MTHFD1L: variants seen among roughly 807,000 people sequenced by gnomAD.
MTHFD1L encodes methylenetetrahydrofolate dehydrogenase (NADP+ dependent) 1 like, also known as monofunctional C1-tetrahydrofolate synthase, mitochondrial.
A neutral mutation model predicts 119.5 loss-of-function variants in MTHFD1L; 81 were observed. That is an observed-to-expected ratio of 0.68 (90% confidence interval 0.57 to 0.82). MTHFD1L has a LOEUF of 0.82. Ranked by LOEUF, MTHFD1L falls within the 40% of genes least tolerant of loss-of-function variation. MTHFD1L has a pLI of 0.00. For missense variants in MTHFD1L, 1,125 were observed against 1,253.4 expected, an observed-to-expected ratio of 0.90 and a Z score of 1.55; for synonymous variants, 430 against 475.2, an observed-to-expected ratio of 0.90 and a Z score of 1.24.
chr6:150,866,450 G>C lies in MTHFD1L; in HGVS notation c.227+401G>C, dbSNP rs1562274910. The stretch of plus-strand genomic sequence containing the variant: ...GGGGGCGAGGAGCAGGAGGAGGGCG[G>C]GGCTGCGGCTCGGCGCGCCGGCTGG... On this transcript the variant is annotated intron_variant, in intron 1 of 27. Transcript: ENST00000367321. The C allele has an allele frequency of 4.5e-6, 6 of 1,324,838 alleles. No homozygotes were observed. In the East Asian group the frequency reaches 9.4e-5, roughly 21 times the overall value. The allele number at this position is 1,324,838 out of a possible 1,614,324, so 82.1% of individuals were successfully genotyped here. A position where few individuals can be genotyped will look rare whatever the true frequency, so the allele number is the denominator to read the frequency against.
At chr6:150,872,782 G>T (rs74691011) in intron 1 of MTHFD1L, among the ~76,000 whole-genome samples, 22,371 of 151,210 alleles carry the variant, frequency 0.15, 2,177 homozygotes, top group African/African-American at 0.25. Flanking sequence ...CACAAAAAAT[G>T]ATGTATGCCT....
At chr6:150,877,934 GACTGAAT>G in intron 4 of MTHFD1L, 108 bp downstream of exon 4, 1 of 1,333,754 alleles carries the variant, frequency 7.5e-7, no homozygotes, top group South Asian at 1.2e-5. Flanking sequence ...ATTTGCTTGT[GACTGAAT>G]GTTAGAGGGA....
At chr6:151,057,173 C>A (rs1790074408) in intron 26 of MTHFD1L, 2 of 984,858 alleles carry the variant, frequency 2.0e-6, no homozygotes, top group Non-Finnish European at 2.4e-6. Context: ...AATCTTGACT[C>A]TGCTCCATTA....
At chr6:150,883,592 A>T (rs1784102014) in intron 5 of MTHFD1L, among the ~76,000 whole-genome samples, 1 of 152,160 alleles carries the variant, frequency 6.6e-6, no homozygotes, top group South Asian at 2.1e-4. Flanking sequence ...CAGTTGAGAA[A>T]AGCAAAATAA....
chr6:150,889,129 A>G (rs1288682683), intron 7 of MTHFD1L, among the ~76,000 whole-genome samples: 1 of 151,796 alleles, frequency 6.6e-6, no homozygotes, highest in Admixed American at 6.6e-5. Context: ...GTGAGCCGCG[A>G]TCGTGCCACT....
In MTHFD1L at chr6:150,994,077, A is replaced by AGG. The variant is rs1554273889; in HGVS notation, c.2126-15742_2126-15741insGG. Among the ~76,000 whole-genome samples, 45 of 105,284 alleles carry AGG rather than the reference A, an allele frequency of 4.3e-4. 1 individual carries two copies. Among genetic ancestry groups the AGG allele is most frequent in the African/African-American group, 1.6e-3 (42 of 27,046 alleles). 69.1% of individuals were successfully genotyped at this position (105,284 alleles called of 152,430 possible). A position where few individuals can be genotyped will look rare whatever the true frequency, so the allele number is the denominator to read the frequency against. ...TAACAACAACAGTAAAAAAAAAAAAAAAAGAAAGAAAGAAAGAAAGTGACC... is the reference window on the plus strand; with the variant it reads ...TAACAACAACAGTAAAAAAAAAAAAAGGAAAGAAAGAAAGAAAGAAAGTGACC... On this transcript the variant is annotated intron_variant, in intron 20 of 27. Coordinates refer to ENST00000367321, the MANE Select transcript of MTHFD1L (RefSeq NM_015440.5).
chr6:150,934,263 C>G (rs1791670169), intron 11 of MTHFD1L, among the ~76,000 whole-genome samples: 1 of 152,206 alleles, frequency 6.6e-6, no homozygotes, highest in African/African-American at 2.4e-5. Context: ...AGCACCTCTC[C>G]TATTAACTGC....
At chr6:150,898,826 A>AGAT (rs534271927) in intron 7 of MTHFD1L, 4 of 345,220 alleles carry the variant, frequency 1.2e-5, no homozygotes, top group South Asian at 6.9e-5. Context: ...AGTATAGGGA[A>AGAT]GATTATTATT....
At chr6:151,074,142 T>C (rs1392407721) in intron 26 of MTHFD1L, among the ~76,000 whole-genome samples, 1 of 152,186 alleles carries the variant, frequency 6.6e-6, no homozygotes, top group African/African-American at 2.4e-5. Context: ...TTAAAATATC[T>C]TTCCAAAACA....
intron 8 of MTHFD1L, chr6:150,912,778 G>A (rs189228240): frequency 4.0e-4 from 176 of 443,298 alleles, no homozygotes; most frequent in African/African-American, 3.1e-3. Context: ...GAAAAGACCC[G>A]TCCACGGTTT....
intron 26 of MTHFD1L, among the ~76,000 whole-genome samples, chr6:151,087,575 A>G (rs188107299): frequency 5.3e-5 from 8 of 152,354 alleles, no homozygotes; most frequent in African/African-American, 1.7e-4. Context: ...CAGAAACACA[A>G]CAAAACTAAG....
At chr6:150,964,428 C>G (rs1738575) in intron 18 of MTHFD1L, among the ~76,000 whole-genome samples, 71,786 of 151,968 alleles carry the variant, frequency 0.47, 17,895 homozygotes, top group South Asian at 0.59. Context: ...AAGCCTTTCA[C>G]ATCTAAACTA....
At chr6:150,868,628 T>C (rs11962903) in intron 1 of MTHFD1L, among the ~76,000 whole-genome samples, 22,406 of 151,856 alleles carry the variant, frequency 0.15, 1,861 homozygotes, top group African/African-American at 0.23. Flanking sequence ...TGAGCTACCA[T>C]GCCCAGCAAT....
chr6:151,090,573 T>TCGAGTCA (rs1491035144), intron 26 of MTHFD1L, among the ~76,000 whole-genome samples: 1 of 136,602 alleles, frequency 7.3e-6, no homozygotes, highest in East Asian at 1.9e-4. Context: ...GAGGGAAACC[T>TCGAGTCA]CGAGTCACGA....
At chr6:150,996,986 C>G (rs508604) in intron 20 of MTHFD1L, among the ~76,000 whole-genome samples, 2 of 152,082 alleles carry the variant, frequency 1.3e-5, no homozygotes, top group Admixed American at 6.6e-5. Flanking sequence ...GAACACTGAC[C>G]GAATCCCAGA....
chr6:150,930,070 A>T (rs1790766743), intron 11 of MTHFD1L, among the ~76,000 whole-genome samples: 1 of 152,198 alleles, frequency 6.6e-6, no homozygotes, highest in Non-Finnish European at 1.5e-5. Context: ...TAATAGCTGA[A>T]TATTGATATC....
chr6:151,069,251 T>TTCTTTCTC (rs1554297593), intron 26 of MTHFD1L, among the ~76,000 whole-genome samples: 12 of 136,682 alleles, frequency 8.8e-5, no homozygotes, highest in African/African-American at 2.8e-4. Context: ...TTCTCTCTCT[T>TTCTTTCTC]TCTCTCTCTC....
chr6:151,059,613 C>T (rs1364172113), intron 26 of MTHFD1L, among the ~76,000 whole-genome samples: 2 of 152,162 alleles, frequency 1.3e-5, no homozygotes, highest in African/African-American at 4.8e-5. Flanking sequence ...CTGCTCTTAC[C>T]ATTTTGTTAA....
intron 24 of MTHFD1L, among the ~76,000 whole-genome samples, chr6:151,023,606 GC>G (rs1394698575): frequency 6.6e-6 from 1 of 152,048 alleles, no homozygotes; most frequent in African/African-American, 2.4e-5. Context: ...GCTTGCCCCA[GC>G]TTTCTTTCCT....
Sources: gnomAD v4.1 joint callset for allele counts (sites outside exome capture counted in the v4.1 genomes callset) on GRCh38, gnomAD v4.1.1 for gene constraint, MANE v1.5 for transcripts, NCBI Gene and HGNC (gene_info 2026-07-23, HGNC 2026-07-21) for gene names.